TMCO1: variants seen among roughly 807,000 people sequenced by gnomAD.
The protein encoded by TMCO1 is transmembrane and coiled-coil domains 1.
In TMCO1, 29 loss-of-function variants were observed where a neutral mutation model predicts 29.3. The observed-to-expected ratio is 0.99, with a 90% CI of 0.74 to 1.35. The LOEUF (loss-of-function observed/expected upper bound fraction) is 1.35. TMCO1 is among the 40% of genes most tolerant of loss of function. TMCO1 has a pLI of 0.00. For synonymous variants in TMCO1, 80 were observed against 77.1 expected, an observed-to-expected ratio of 1.04 and a Z score of -0.20; for missense variants, 173 against 225.5, an observed-to-expected ratio of 0.77 and a Z score of 1.49.
rs370197616 is a variant in TMCO1, at chr1:165,743,176, C to T, written c.459G>A (p.Ser153=). ...AGATGTGATCACTCACCTGTCGAAT[C>T]GACATAGTACAGAGAATATACAGGA... ...FIFLYILCTM[S]IRQNIQKILG... is the part of the protein sequence containing the mutation. Residue 153 remains serine (S), a synonymous_variant, in exon 6 of 7, where the codon TCG becomes TCA. Transcript: ENST00000367881. 3.5e-5 allele frequency: 56 copies of T among 1,613,936 alleles called. No homozygotes were observed. In the African/African-American group the frequency reaches 4.8e-4, roughly 14 times the overall value.
chr1:165,728,360 C>T (rs1650989175), intron 6 of TMCO1, among the ~76,000 whole-genome samples: 1 of 151,622 alleles, frequency 6.6e-6, no homozygotes, highest in Non-Finnish European at 1.5e-5. Context: ...AGGTTCACGT[C>T]ATTCTCCTGC....
intron 6 of TMCO1, among the ~76,000 whole-genome samples, chr1:165,740,847 T>C (rs1651568267): frequency 1.3e-5 from 2 of 152,206 alleles, no homozygotes; most frequent in Admixed American, 6.5e-5. Flanking sequence ...CACCATCTTA[T>C]GATGTAGCAG....
Position 165,754,269 on chromosome 1 carries a change from GTC to G in TMCO1, c.212_213del (p.Arg71ThrfsTer8). On this transcript the variant is annotated frameshift_variant, in exon 4 of 7. Coordinates refer to ENST00000367881, the MANE Select transcript of TMCO1 (RefSeq NM_019026.6). LOFTEE classifies it high-confidence loss of function. ...TTGTTATTCTTCAGTTTCTCTTCTTGTCTCTCTGCAAAGAATTAATGAGATGG... is the reference window on the plus strand; with the variant it reads ...TTGTTATTCTTCAGTTTCTCTTCTTGTCTCTGCAAAGAATTAATGAGATGG... The part of the protein sequence containing the change: ...AGRQQKKKIE[R>X]QEEKLKNNNR... The G allele has an allele frequency of 6.2e-7, 1 of 1,610,284 alleles. No homozygotes were observed.
intron 2 of TMCO1, among the ~76,000 whole-genome samples, chr1:165,767,689 CT>C (rs1171417830): frequency 2.7e-5 from 4 of 149,442 alleles, no homozygotes; most frequent in Non-Finnish European, 4.5e-5. Flanking sequence ...GCCTCTTCTT[CT>C]TTTTTTTTTA....
In TMCO1 at chr1:165,727,867, A is replaced by G; in HGVS notation, c.*156T>C. 1.7e-6 allele frequency: 1 copy of G among 591,598 alleles called. No homozygotes were observed. Among genetic ancestry groups the G allele is most frequent in the Non-Finnish European group, 3.1e-6 (1 of 318,348 alleles). The allele number at this position is 591,598 out of a possible 1,614,324, so 36.6% of individuals were successfully genotyped here. ...AGCACTATCAAGTTTGCTGGCTGCCATTTTCACTCTAATCATACCCAAAAG... is the reference window on the plus strand; with the variant it reads ...AGCACTATCAAGTTTGCTGGCTGCCGTTTTCACTCTAATCATACCCAAAAG... On this transcript the variant is annotated 3_prime_UTR_variant, in exon 7 of 7. Transcript: ENST00000367881.
At chr1:165,745,474 CAAAAAAAA>C (rs570579214) in intron 5 of TMCO1, among the ~76,000 whole-genome samples, 9 of 101,356 alleles carry the variant, frequency 8.9e-5, no homozygotes, top group African/African-American at 1.2e-4. Flanking sequence ...CTATCTCTAC[CAAAAAAAA>C]AAAAAAAAAA....
In TMCO1 at chr1:165,768,380, C is replaced by G; in HGVS notation, c.71-111G>C. The G allele has an allele frequency of 2.0e-6, 3 of 1,485,656 alleles. No homozygotes were observed. In the South Asian group the frequency reaches 3.5e-5, roughly 18 times the overall value. The allele number at this position is 1,485,656 out of a possible 1,614,324, so 92.0% of individuals were successfully genotyped here. A position where few individuals can be genotyped will look rare whatever the true frequency, so the allele number is the denominator to read the frequency against. On this transcript the variant is annotated intron_variant, in intron 1 of 6. Coordinates refer to ENST00000367881, the MANE Select transcript of TMCO1 (RefSeq NM_019026.6). The stretch of plus-strand genomic sequence containing the variant: ...TTCCAACTTTTCGCTTTGTATTTAC[C>G]CATAGTTAACTTTTTTCAAAGGCTA...
chr1:165,732,503 C>CTA (rs1308718722), intron 6 of TMCO1, among the ~76,000 whole-genome samples: 1,799 of 128,558 alleles, frequency 0.014, 24 homozygotes, highest in East Asian at 0.049. Context: ...CTCTCTCTCT[C>CTA]TCTATATATA....
chr1:165,741,078 A>G (rs895752527), intron 6 of TMCO1, among the ~76,000 whole-genome samples: 3 of 152,194 alleles, frequency 2.0e-5, no homozygotes, highest in Middle Eastern at 3.2e-3. Context: ...CTATTCAACA[A>G]ACACCTCAAA....
chr1:165,728,088 G>A lies in TMCO1; in HGVS notation c.502C>T (p.Arg168Ter), dbSNP rs201904119. ...CCACCTGCCTGCTTGGTGGCGGCTC[G>A]TGAAGGGGCAAGGCCGAGAATCTTC... is the stretch of plus-strand genomic sequence containing the variant. ...IQKILGLAPSRAATKQAGGFL... is the reference protein window; with the variant it reads ...IQKILGLAPS Residue 168 changes from arginine (R) to a stop codon, truncating the protein, a stop_gained, in exon 7 of 7, where the codon CGA (arginine) becomes TGA (stop). Coordinates refer to ENST00000367881, the MANE Select transcript of TMCO1 (RefSeq NM_019026.6). LOFTEE classifies it high-confidence loss of function. The A allele has an allele frequency of 1.2e-5, 20 of 1,608,358 alleles. No individual in the cohort carries two copies. Among genetic ancestry groups the A allele is most frequent in the Middle Eastern group, 1.7e-4 (1 of 6,050 alleles).
At chr1:165,741,163 G>A (rs189837094) in intron 6 of TMCO1, among the ~76,000 whole-genome samples, 46 of 152,034 alleles carry the variant, frequency 3.0e-4, no homozygotes, top group Admixed American at 7.9e-4. Flanking sequence ...TCCCCATTTG[G>A]TCACCAAAAT....
intron 3 of TMCO1, among the ~76,000 whole-genome samples, chr1:165,756,687 C>T (rs1460545100): frequency 1.3e-5 from 2 of 152,026 alleles, no homozygotes; most frequent in East Asian, 3.9e-4. Context: ...AAGAGCTTCA[C>T]CTAGTGAAAT....
At position 165,737,439 on chromosome 1, in the gene TMCO1, A is replaced by G. The variant is rs149212941; in HGVS notation, c.468+5728T>C. On this transcript the variant is annotated intron_variant, in intron 6 of 6. Transcript: ENST00000367881. ...AACTGGTGTTCCAGAAGAAGAAGAG[A>G]GAGAGAATGAGGCAGAAAACAGTTA... is the stretch of plus-strand genomic sequence containing the variant. Among the ~76,000 whole-genome samples, 1,012 of 152,312 alleles carry G rather than the reference A, an allele frequency of 6.6e-3. 16 individuals are homozygous for G. The highest frequency in any genetic ancestry group is 0.022 in the African/African-American group (914 of 41,568).
chr1:165,763,818 G>C (rs554413630), intron 2 of TMCO1, among the ~76,000 whole-genome samples: 21 of 152,110 alleles, frequency 1.4e-4, no homozygotes, highest in African/African-American at 4.8e-4. Flanking sequence ...GTAGAGATGG[G>C]GTTTTGCCAT....
At chr1:165,745,204 G>A (rs970234123) in intron 5 of TMCO1, among the ~76,000 whole-genome samples, 1 of 90,692 alleles carries the variant, frequency 1.1e-5, no homozygotes, top group Non-Finnish European at 2.3e-5. Flanking sequence ...TTTTTTTTTT[G>A]TAGAGCTGTG....
intron 2 of TMCO1, among the ~76,000 whole-genome samples, chr1:165,763,104 C>G (rs1006824674): frequency 6.6e-6 from 1 of 152,116 alleles, no homozygotes; most frequent in Non-Finnish European, 1.5e-5. Flanking sequence ...CAGATCAGCA[C>G]AAGCAAAGTA....
chr1:165,730,091 G>A (rs575632307), intron 6 of TMCO1, among the ~76,000 whole-genome samples: 11 of 151,558 alleles, frequency 7.3e-5, no homozygotes, highest in Non-Finnish European at 1.3e-4. Flanking sequence ...GGAGGCCGAG[G>A]CGGGCGGATC....
chr1:165,754,007 C>A (rs1571226049), intron 4 of TMCO1, among the ~76,000 whole-genome samples: 1 of 152,206 alleles, frequency 6.6e-6, no homozygotes, highest in African/African-American at 2.4e-5. Context: ...CAAATTATGA[C>A]CTCTGAGACA....
At chr1:165,744,523 G>A (rs1651716546) in intron 5 of TMCO1, among the ~76,000 whole-genome samples, 1 of 152,062 alleles carries the variant, frequency 6.6e-6, no homozygotes, top group African/African-American at 2.4e-5. Context: ...TGGGCACGGT[G>A]GCTCACACCT....
Sources: gnomAD v4.1 joint callset for allele counts (sites outside exome capture counted in the v4.1 genomes callset) on GRCh38, gnomAD v4.1.1 for gene constraint, MANE v1.5 for transcripts, NCBI Gene and HGNC (gene_info 2026-07-23, HGNC 2026-07-21) for gene names.